TGFB3: variants seen among roughly 807,000 people sequenced by gnomAD.
The protein encoded by TGFB3 is transforming growth factor beta-3 proprotein.
TGFB3 carries 5 observed loss-of-function variants against 40.1 expected under a neutral mutation model. The observed-to-expected ratio is 0.12, with a 90% CI of 0.07 to 0.26. The LOEUF is 0.26. Ranked by LOEUF, TGFB3 falls within the 10% of genes least tolerant of loss-of-function variation. The pLI, the probability that TGFB3 is intolerant of heterozygous loss-of-function variation, is 1.00. For missense variants in TGFB3, 373 were observed against 530.1 expected (o/e 0.70, Z 2.91); for synonymous variants, 184 against 205.6 (o/e 0.89, Z 0.90).
At chr14:75,965,844 G>T in intron 3 of TGFB3, 149 bp from the exon 4 acceptor site, 1 of 722,502 alleles carries the variant, frequency 1.4e-6, no homozygotes, top group Non-Finnish European at 2.5e-6. Flanking sequence ...GACAGAAAGT[G>T]CCTCCAGAGC....
Position 75,960,948 on chromosome 14 carries a change from C to T in TGFB3, c.1055G>A (p.Arg352His), listed in dbSNP as rs755894337. The change falls in exon 6 of 7, where the codon CGC becomes CAC. Residue 352 changes from arginine to histidine, a missense_variant. Coordinates refer to ENST00000238682, the MANE Select transcript of TGFB3 (RefSeq NM_003239.5). ...CGTGCTGTGGGTTGTGTCTGCACTGCGGAGGTATGGGCAAGGGCCTGAGCA... is the reference window on the plus strand; with the variant it reads ...CGTGCTGTGGGTTGTGTCTGCACTGTGGAGGTATGGGCAAGGGCCTGAGCA... Reference protein sequence around the residue: ...NFCSGPCPYLRSADTTHSTVL... With the variant: ...NFCSGPCPYLHSADTTHSTVL... 9 of 1,614,170 alleles carry T rather than the reference C, an allele frequency of 5.6e-6. No individual in the cohort carries two copies. Among genetic ancestry groups the T allele is most frequent in the South Asian group, 2.2e-5 (2 of 91,088 alleles).
At chr14:75,965,567 C>A (rs781087467) in intron 4 of TGFB3, 21 bp downstream of exon 4, 31 of 1,590,616 alleles carry the variant, frequency 1.9e-5, no homozygotes, top group Non-Finnish European at 2.7e-5. Context: ...CCCATCCTAC[C>A]ATACACATTC....
intron 1 of TGFB3, among the ~76,000 whole-genome samples, chr14:75,973,926 C>T (rs1167187421): frequency 6.6e-6 from 1 of 152,018 alleles, no homozygotes; most frequent in Admixed American, 6.5e-5. Context: ...CAGATCACGA[C>T]ATCAGGAGTT....
chr14:75,977,935 A>G (rs561032537), intron 1 of TGFB3, among the ~76,000 whole-genome samples: 19 of 152,184 alleles, frequency 1.2e-4, no homozygotes, highest in African/African-American at 4.6e-4. Flanking sequence ...TTTTGGACAA[A>G]TTACTTAAGC....
At chr14:75,968,164 G>T (rs1352436047) in intron 3 of TGFB3, among the ~76,000 whole-genome samples, 1 of 152,204 alleles carries the variant, frequency 6.6e-6, no homozygotes, top group African/African-American at 2.4e-5. Context: ...TCAGATGTTT[G>T]CTGAATGAAT....
rs1175960678 is a variant in TGFB3, at chr14:75,979,971, T to A, written c.352+571A>T. Among the ~76,000 whole-genome samples, 1 of 151,924 alleles carries A rather than the reference T, an allele frequency of 6.6e-6. No individual in the cohort carries two copies. Among genetic ancestry groups the A allele is most frequent in the East Asian group, 1.9e-4 (1 of 5,174 alleles). Reference sequence around the variant, plus strand: ...GGTCTCGTGGGTCACGTGGGTGGGGTAGACCAAAGGGCCCAGGCAGCAAGA... The same window carrying A: ...GGTCTCGTGGGTCACGTGGGTGGGGAAGACCAAAGGGCCCAGGCAGCAAGA... On this transcript the variant is annotated intron_variant, in intron 1 of 6. Transcript: ENST00000238682. The surrounding 1 kb of genome is among the most constrained non-coding windows in gnomAD (Gnocchi z 4.8).
chr14:75,967,194 C>A (rs1348147347), intron 3 of TGFB3, among the ~76,000 whole-genome samples: 1 of 152,212 alleles, frequency 6.6e-6, no homozygotes, highest in Non-Finnish European at 1.5e-5. Flanking sequence ...ACATCCCAGT[C>A]CTACTGGTTA....
intron 4 of TGFB3, among the ~76,000 whole-genome samples, chr14:75,965,060 C>T (rs761825398): frequency 3.3e-5 from 5 of 152,168 alleles, no homozygotes; most frequent in Admixed American, 1.3e-4. Flanking sequence ...CCAAACACCC[C>T]GGGGACAAAC....
intron 1 of TGFB3, among the ~76,000 whole-genome samples, chr14:75,976,660 C>G (rs1197735909): frequency 7.9e-5 from 12 of 152,152 alleles, no homozygotes; most frequent in Admixed American, 7.9e-4. Context: ...CAAAACCCAG[C>G]AAGAACTGAG....
At chr14:75,977,758 T>C (rs1237674923) in intron 1 of TGFB3, among the ~76,000 whole-genome samples, 2 of 151,766 alleles carry the variant, frequency 1.3e-5, no homozygotes, top group East Asian at 3.9e-4. Context: ...TGACCTCTCC[T>C]GCTTGGTCCA....
rs1054187579 is a variant in TGFB3, at chr14:75,971,785, G to A, written c.353-67C>T. 29 of 1,581,804 alleles carry A rather than the reference G, an allele frequency of 1.8e-5. No homozygotes were observed. Among genetic ancestry groups the A allele is most frequent in the African/African-American group, 6.7e-5 (5 of 74,332 alleles). On this transcript the variant is annotated intron_variant, in intron 1 of 6. Transcript: ENST00000238682. This position sits in a 1 kb window ranked among gnomAD's most constrained non-coding sequence, Gnocchi z 4.5. Reference sequence around the variant, plus strand: ...CATGCAGGAACAGTGTGCTGCCAACGGACAGGCACCAAGTGGCCACCGTCC... The same window carrying A: ...CATGCAGGAACAGTGTGCTGCCAACAGACAGGCACCAAGTGGCCACCGTCC...
chr14:75,978,876 C>G lies in TGFB3; in HGVS notation c.352+1666G>C, dbSNP rs2035386693. Among the ~76,000 whole-genome samples, 1 of 152,158 alleles carries G rather than the reference C, an allele frequency of 6.6e-6. No individual in the cohort carries two copies. The highest frequency in any genetic ancestry group is 1.5e-5 in the Non-Finnish European group (1 of 68,030). On this transcript the variant is annotated intron_variant, in intron 1 of 6. Transcript: ENST00000238682. The surrounding 1 kb of genome is among the most constrained non-coding windows in gnomAD (Gnocchi z 5.0). ...TTGGACTCCTCCTGCTGACCCAGAC[C>G]ATGAAGGTCTGAGTCCTGCCCTCTT...
intron 6 of TGFB3, 93 bp downstream of exon 6, chr14:75,960,830 C>T: frequency 2.6e-6 from 4 of 1,552,628 alleles, no homozygotes; most frequent in Non-Finnish European, 3.5e-6. Flanking sequence ...CCATCATTTG[C>T]TCACTCAACA....
chr14:75,959,445 G>A, intron 6 of TGFB3, 100 bp from the exon 7 acceptor site: 2 of 1,447,452 alleles, frequency 1.4e-6, no homozygotes, highest in South Asian at 1.2e-5. Context: ...AGCTGAGCAA[G>A]TGCTAGAATG....
In TGFB3 at chr14:75,971,009, G is replaced by T. The variant is rs2035284055; in HGVS notation, c.646+117C>A. On this transcript the variant is annotated intron_variant, in intron 3 of 6. Coordinates refer to ENST00000238682, the MANE Select transcript of TGFB3 (RefSeq NM_003239.5). This position sits in a 1 kb window ranked among gnomAD's most constrained non-coding sequence, Gnocchi z 4.5. ...TGAATGGAGGATACTCAGTGGCAAAGCTAGGGTTTGAACCCAGATCTCTGA... is the reference window on the plus strand; with the variant it reads ...TGAATGGAGGATACTCAGTGGCAAATCTAGGGTTTGAACCCAGATCTCTGA... 6.8e-7 allele frequency: 1 copy of T among 1,462,562 alleles called. No homozygotes were observed. The highest frequency in any genetic ancestry group is 9.5e-7 in the Non-Finnish European group (1 of 1,056,754). The allele number at this position is 1,462,562 out of a possible 1,614,324, so 90.6% of individuals were successfully genotyped here. A position where few individuals can be genotyped will look rare whatever the true frequency, so the allele number is the denominator to read the frequency against.
At chr14:75,967,944 G>T (rs1468258043) in intron 3 of TGFB3, among the ~76,000 whole-genome samples, 2 of 152,186 alleles carry the variant, frequency 1.3e-5, no homozygotes, top group East Asian at 3.9e-4. Context: ...CAAGATGGTT[G>T]TTTCCCAGTG....
At chr14:75,967,666 T>TA (rs901123377) in intron 3 of TGFB3, among the ~76,000 whole-genome samples, 45 of 152,150 alleles carry the variant, frequency 3.0e-4, no homozygotes, top group African/African-American at 1.0e-3. Context: ...ATAGAGGACT[T>TA]AGAGATGATG....
At chr14:75,961,786 T>A (rs922645386) in intron 5 of TGFB3, among the ~76,000 whole-genome samples, 1 of 152,210 alleles carries the variant, frequency 6.6e-6, no homozygotes, top group African/African-American at 2.4e-5. Context: ...ATTGGTTATC[T>A]ATTCAATAAC....
intron 3 of TGFB3, chr14:75,966,663 A>T (rs1029097599): frequency 6.6e-6 from 1 of 152,256 alleles, no homozygotes; most frequent in African/African-American, 2.4e-5. Context: ...TTGGTGCCTG[A>T]CATTCTGGTG....
Sources: gnomAD v4.1 joint callset for allele counts (sites outside exome capture counted in the v4.1 genomes callset) on GRCh38, gnomAD v4.1.1 for gene constraint, Gnocchi (gnomAD v3.1) non-coding constraint, MANE v1.5 for transcripts, NCBI Gene and HGNC (gene_info 2026-07-23, HGNC 2026-07-21) for gene names.